Variants in PGM5 observed in about 807,000 individuals in gnomAD.
PGM5 encodes the protein phosphoglucomutase-like protein 5.
A neutral mutation model predicts 59.2 loss-of-function variants in PGM5; 23 were observed. The ratio of observed to expected loss-of-function variants is 0.39; its 90% CI spans 0.28 to 0.55. The LOEUF (loss-of-function observed/expected upper bound fraction) is 0.55. Among genes scored for constraint, PGM5 ranks in the 20% least tolerant of loss-of-function variants. The pLI is 0.66. For synonymous variants in PGM5, 214 were observed against 286.0 expected (o/e 0.75, Z 2.54); for missense variants, 574 against 748.3 (o/e 0.77, Z 2.72).
At chr9:68,400,798 C>T (rs1340561753) in intron 6 of PGM5, 2 of 152,462 alleles carry the variant, frequency 1.3e-5, no homozygotes, top group Non-Finnish European at 2.9e-5. Flanking sequence ...TTAGCAAATA[C>T]AGCTTAATCA....
intron 7 of PGM5, among the ~76,000 whole-genome samples, chr9:68,479,214 T>C (rs782697838): frequency 2.4e-4 from 36 of 152,228 alleles, no homozygotes; most frequent in Non-Finnish European, 4.7e-4. Context: ...TTCCAAGTTT[T>C]ATTTTTTTTA....
intron 4 of PGM5, among the ~76,000 whole-genome samples, chr9:68,389,195 C>T (rs2480144): frequency 4.9e-4 from 74 of 152,086 alleles, no homozygotes; most frequent in South Asian, 1.0e-3. Flanking sequence ...CTTGTAAAAA[C>T]GCATCCTAGT....
intron 6 of PGM5, among the ~76,000 whole-genome samples, chr9:68,418,013 C>T (rs889965258): frequency 1.3e-5 from 2 of 152,218 alleles, no homozygotes; most frequent in Non-Finnish European, 2.9e-5. Flanking sequence ...GAACTTAATT[C>T]TTCTGTCTTT....
chr9:68,496,188 G>A (rs1209882278), intron 9 of PGM5, among the ~76,000 whole-genome samples: 1 of 152,140 alleles, frequency 6.6e-6, no homozygotes, highest in African/African-American at 2.4e-5. Flanking sequence ...TGCAAGTCTT[G>A]GTCAGTGGTA....
chr9:68,516,171 A>G (rs1471330798), intron 10 of PGM5, among the ~76,000 whole-genome samples: 1 of 152,166 alleles, frequency 6.6e-6, no homozygotes, highest in Non-Finnish European at 1.5e-5. Context: ...GACCTTAACT[A>G]AGGTCCTTAT....
At chr9:68,384,346 T>C (rs1822158638) in intron 2 of PGM5, 52 bp from the exon 3 acceptor site, 1 of 1,356,052 alleles carries the variant, frequency 7.4e-7, no homozygotes, top group Non-Finnish European at 1.0e-6. Flanking sequence ...ATTTCACTGC[T>C]TGAAACTCAC....
At chr9:68,453,214 A>G (rs1823724382) in intron 6 of PGM5, among the ~76,000 whole-genome samples, 1 of 152,222 alleles carries the variant, frequency 6.6e-6, no homozygotes, top group Non-Finnish European at 1.5e-5. Context: ...TTACCTTTTC[A>G]TAATAAATTT....
chr9:68,499,002 C>T (rs1289720929), intron 9 of PGM5: 2 of 517,980 alleles, frequency 3.9e-6, no homozygotes. Context: ...TCCTCTTTCC[C>T]CACATTAACC....
intron 6 of PGM5, among the ~76,000 whole-genome samples, chr9:68,415,030 A>C (rs1462674798): frequency 6.7e-6 from 1 of 148,736 alleles, no homozygotes; most frequent in Non-Finnish European, 1.5e-5. Context: ...TAGCCAGGGG[A>C]CTGGGGAAAA....
At chr9:68,412,844 T>C (rs2258345) in intron 6 of PGM5, among the ~76,000 whole-genome samples, 219 of 152,350 alleles carry the variant, frequency 1.4e-3, no homozygotes, top group Middle Eastern at 0.01. Context: ...ATGGACCTAA[T>C]AAATAGAATG....
At chr9:68,482,018 A>C (rs1224565576) in intron 8 of PGM5, among the ~76,000 whole-genome samples, 1 of 152,206 alleles carries the variant, frequency 6.6e-6, no homozygotes, top group Admixed American at 6.5e-5. Flanking sequence ...TTTTTCTTGT[A>C]TGAGTAGACC....
intron 10 of PGM5, among the ~76,000 whole-genome samples, chr9:68,528,684 A>C (rs559874461): frequency 1.0e-3 from 153 of 152,356 alleles, no homozygotes; most frequent in African/African-American, 3.6e-3. Context: ...GTGACATTAC[A>C]TTCTAGCTGG....
Position 68,449,478 on chromosome 9 carries a change from T to TC in PGM5, c.1044-15615_1044-15614insC, listed in dbSNP as rs549806877. 1.2e-4 allele frequency among the ~76,000 whole-genome samples: 19 copies of TC among 152,294 alleles called. No homozygotes were observed. In the East Asian group the frequency reaches 3.7e-3, roughly 29 times the overall value. On this transcript the variant is annotated intron_variant, in intron 6 of 10. Transcript: ENST00000396396. ...AGAGGAGAGATTCTTTTCCTCAAGG[T>TC]GAACTTCAGCTATGGGTGCCCTCTG... is the stretch of plus-strand genomic sequence containing the variant.
In PGM5 at chr9:68,444,062, C is replaced by CTT. The variant is rs71920005; in HGVS notation, c.1044-21016_1044-21015dup. Among the ~76,000 whole-genome samples, 472 of 131,620 alleles carry CTT rather than the reference C, an allele frequency of 3.6e-3. 2 individuals are homozygous for CTT. Among genetic ancestry groups the CTT allele is most frequent in the African/African-American group, 0.011 (405 of 36,254 alleles). The allele number at this position is 131,620 out of a possible 152,430, so 86.3% of individuals were successfully genotyped here. On this transcript the variant is annotated intron_variant, in intron 6 of 10. Coordinates refer to ENST00000396396, the MANE Select transcript of PGM5 (RefSeq NM_021965.4). ...GAAGAGTCTCTCTCTTTCTTTCTTT[C>CTT]TTTTTTTTTTTTTTTTGGATCACTT...
intron 6 of PGM5, among the ~76,000 whole-genome samples, chr9:68,423,655 G>GTCTCTCTCTCTC (rs111849049): frequency 4.8e-5 from 7 of 145,822 alleles, no homozygotes; most frequent in African/African-American, 1.3e-4. Context: ...CTCTCTCTCT[G>GTCTCTCTCTCTC]TCTCTCTCTC....
intron 9 of PGM5, among the ~76,000 whole-genome samples, chr9:68,484,373 CAA>C (rs1188951508): frequency 0.082 from 8,687 of 106,188 alleles, 364 homozygotes; most frequent in African/African-American, 0.15. Context: ...CCATCTCTAC[CAA>C]AAAAAAAAAA....
intron 7 of PGM5, among the ~76,000 whole-genome samples, chr9:68,471,231 T>C (rs1554686206): frequency 6.6e-6 from 1 of 152,212 alleles, no homozygotes; most frequent in East Asian, 1.9e-4. Context: ...ACATCATGGC[T>C]CTTAGTCAGA....
intron 7 of PGM5, among the ~76,000 whole-genome samples, chr9:68,471,734 C>T (rs1404816415): frequency 6.6e-6 from 1 of 151,666 alleles, no homozygotes; most frequent in African/African-American, 2.4e-5. Context: ...GCCTGGCCAA[C>T]ATGGTGAAAC....
chr9:68,504,105 A>G (rs1352857388), intron 10 of PGM5, among the ~76,000 whole-genome samples: 1 of 152,176 alleles, frequency 6.6e-6, no homozygotes, highest in Admixed American at 6.5e-5. Context: ...AAACTGTAGA[A>G]TGAGCAGCAC....
Sources: allele counts gnomAD v4.1 joint callset (sites outside exome capture counted in the v4.1 genomes callset), GRCh38; gene constraint gnomAD v4.1.1; transcripts MANE v1.5; gene names NCBI Gene and HGNC (gene_info 2026-07-23, HGNC 2026-07-21).